The following KIAA0825 variants were observed in gnomAD, a reference collection of about 807,000 sequenced individuals.
KIAA0825 encodes KIAA0825.
In KIAA0825, 119 loss-of-function variants were observed where a neutral mutation model predicts 147.6. The ratio of observed to expected loss-of-function variants is 0.81; its 90% confidence interval spans 0.69 to 0.94. The LOEUF (loss-of-function observed/expected upper bound fraction) is 0.94, where lower values mean the gene tolerates loss of function less well. Ranked by LOEUF, KIAA0825 falls within the 40% of genes least tolerant of loss-of-function variation. KIAA0825 has a pLI of 0.00. For missense variants in KIAA0825, 1,381 were observed against 1,472.7 expected (o/e 0.94, Z 1.02); for synonymous variants, 470 against 518.1 (o/e 0.91, Z 1.26).
intron 20 of KIAA0825, among the ~76,000 whole-genome samples, chr5:94,274,626 G>A (rs1157959434): frequency 2.0e-5 from 3 of 152,092 alleles, no homozygotes; most frequent in Admixed American, 1.3e-4. Context: ...AATTGGTCTG[G>A]CATGCTAATA....
At chr5:94,320,791 C>A (rs1478516851) in intron 20 of KIAA0825, among the ~76,000 whole-genome samples, 1 of 152,020 alleles carries the variant, frequency 6.6e-6, no homozygotes, top group African/African-American at 2.4e-5. Flanking sequence ...TATTGACACA[C>A]ATAAATCATG....
At chr5:94,564,821 A>C (rs1262876855) in intron 2 of KIAA0825, among the ~76,000 whole-genome samples, 1 of 152,164 alleles carries the variant, frequency 6.6e-6, no homozygotes, top group Non-Finnish European at 1.5e-5. Flanking sequence ...GGTTCAACTT[A>C]TCCCTGTGCA....
chr5:94,536,959 T>C, intron 3 of KIAA0825, 37 bp downstream of exon 3: 1 of 1,477,954 alleles, frequency 6.8e-7, no homozygotes. Context: ...AAGTGAAATG[T>C]GAAAACAACT....
chr5:94,535,666 A>G (rs1771856030), intron 3 of KIAA0825, among the ~76,000 whole-genome samples: 1 of 152,162 alleles, frequency 6.6e-6, no homozygotes, highest in Admixed American at 6.5e-5. Context: ...CTTGAAATGC[A>G]AGCATCAAGG....
At position 94,466,515 on chromosome 5, in the gene KIAA0825, C is replaced by G. The variant is rs148936208; in HGVS notation, c.1873-1456G>C. ...TGGGCGGATCACGACGTCAGGAGAT[C>G]GAGACCATCATGGCTAACACTAAGA... On this transcript the variant is annotated intron_variant, in intron 10 of 20. Transcript: ENST00000682413. Among the ~76,000 whole-genome samples the G allele has an allele frequency of 2.0e-3, 299 of 151,946 alleles. No homozygotes were observed. In the Middle Eastern group the frequency reaches 0.024, roughly 12 times the overall value.
intron 5 of KIAA0825, among the ~76,000 whole-genome samples, chr5:94,507,975 T>G (rs1442064080): frequency 6.6e-6 from 1 of 152,242 alleles, no homozygotes; most frequent in Admixed American, 6.5e-5. Context: ...ATTGTAATAA[T>G]GCTGTATTTA....
Position 94,473,450 on chromosome 5 carries a change from C to T in KIAA0825, c.1297G>A (p.Val433Ile). 1.3e-6 allele frequency: 2 copies of T among 1,551,864 alleles called. No individual in the cohort carries two copies. Among genetic ancestry groups the T allele is most frequent in the Non-Finnish European group, 1.7e-6 (2 of 1,147,006 alleles). Residue 433 changes from valine to isoleucine, a missense_variant, in exon 8 of 21, where the codon GTA becomes ATA. Transcript: ENST00000682413. ...GTGGAAAAACCTTCAATTGCAGTTA[C>T]TACGCAGTGCGCCATGGGAAGAGAC... Reference protein sequence around the residue: ...EVSLPMAHCVVTAIEGFSTKI... With the variant: ...EVSLPMAHCVITAIEGFSTKI...
intron 20 of KIAA0825, among the ~76,000 whole-genome samples, chr5:94,169,955 C>A (rs930633986): frequency 2.0e-5 from 3 of 152,086 alleles, no homozygotes; most frequent in Non-Finnish European, 4.4e-5. Context: ...GGATTCTAAC[C>A]CAAGCAACTG....
At chr5:94,456,451 C>T (rs1584544305) in intron 12 of KIAA0825, among the ~76,000 whole-genome samples, 1 of 152,294 alleles carries the variant, frequency 6.6e-6, no homozygotes, top group Middle Eastern at 3.4e-3. Flanking sequence ...TAGGATTTAA[C>T]TCTACCTCCA....
At chr5:94,323,942 C>A (rs2150255849) in intron 20 of KIAA0825, among the ~76,000 whole-genome samples, 1 of 151,972 alleles carries the variant, frequency 6.6e-6, no homozygotes, top group South Asian at 2.1e-4. Flanking sequence ...AATGACTGTC[C>A]AAAGAATGAC....
At chr5:94,490,826 A>T (rs1315506548) in intron 5 of KIAA0825, among the ~76,000 whole-genome samples, 1 of 152,154 alleles carries the variant, frequency 6.6e-6, no homozygotes, top group Non-Finnish European at 1.5e-5. Flanking sequence ...TCAAGTATTA[A>T]CCCCATTCTC....
chr5:94,162,112 T>C (rs945412244), intron 20 of KIAA0825, among the ~76,000 whole-genome samples: 1 of 152,166 alleles, frequency 6.6e-6, no homozygotes, highest in Non-Finnish European at 1.5e-5. Context: ...TGCTTCGTCT[T>C]ATTTCTCAGC....
intron 20 of KIAA0825, among the ~76,000 whole-genome samples, chr5:94,367,354 C>T (rs1746010238): frequency 6.6e-6 from 1 of 152,040 alleles, no homozygotes; most frequent in Non-Finnish European, 1.5e-5. Flanking sequence ...AAAAATTAGG[C>T]AGACGTGGTG....
intron 12 of KIAA0825, among the ~76,000 whole-genome samples, chr5:94,457,807 A>C (rs1249913129): frequency 5.3e-5 from 8 of 152,216 alleles, no homozygotes; most frequent in Admixed American, 2.6e-4. Context: ...TGCCCTCCCC[A>C]GGAGAAACGG....
chr5:94,449,716 G>A lies in KIAA0825; in HGVS notation c.2357+3243C>T, dbSNP rs140409030. On this transcript the variant is annotated intron_variant, in intron 13 of 20. Coordinates refer to ENST00000682413, the MANE Select transcript of KIAA0825 (RefSeq NM_001145678.3). ...CAGCACTGGAAATCATCTGTATAGA[G>A]GTTACAGGTTAAGCCATGTGAATAA... is the stretch of plus-strand genomic sequence containing the variant. Among the ~76,000 whole-genome samples the A allele has an allele frequency of 4.7e-3, 710 of 152,296 alleles. 3 individuals carry two copies. The highest frequency in any genetic ancestry group is 0.015 in the African/African-American group (623 of 41,574).
At chr5:94,206,082 A>T (rs1007908892) in intron 20 of KIAA0825, among the ~76,000 whole-genome samples, 5 of 152,090 alleles carry the variant, frequency 3.3e-5, no homozygotes, top group African/African-American at 1.2e-4. Flanking sequence ...TAATTTTTAC[A>T]TAGTTCTTTT....
At chr5:94,367,448 A>T (rs1320456971) in intron 20 of KIAA0825, among the ~76,000 whole-genome samples, 2 of 152,216 alleles carry the variant, frequency 1.3e-5, no homozygotes, top group African/African-American at 4.8e-5. Flanking sequence ...CAGTGAGCCA[A>T]GATGGCACCA....
chr5:94,326,284 T>G (rs1194590500), intron 20 of KIAA0825, among the ~76,000 whole-genome samples: 1 of 152,158 alleles, frequency 6.6e-6, no homozygotes, highest in Non-Finnish European at 1.5e-5. Flanking sequence ...CGGCAGAAAT[T>G]CACTCAGCAG....
chr5:94,594,711 T>C lies in KIAA0825; in HGVS notation c.-152-12128A>G, dbSNP rs565944021. 1.1e-3 allele frequency: 674 copies of C among 631,082 alleles called. 8 individuals are homozygous for C. Among genetic ancestry groups the C allele is most frequent in the South Asian group, 8.1e-3 (558 of 69,098 alleles). The allele number at this position is 631,082 out of a possible 1,614,324, so 39.1% of individuals were successfully genotyped here. A position where few individuals can be genotyped will look rare whatever the true frequency, so the allele number is the denominator to read the frequency against. On this transcript the variant is annotated intron_variant, in intron 1 of 20. Transcript: ENST00000682413. ...TATAATTCAGATTCCTTGGTTTGAA[T>C]GGAACTCTATGGCACTGTCAACAAA...
Sources: allele counts gnomAD v4.1 joint callset (sites outside exome capture counted in the v4.1 genomes callset), GRCh38; gene constraint gnomAD v4.1.1; transcripts MANE v1.5; gene names NCBI Gene and HGNC (gene_info 2026-07-23, HGNC 2026-07-21).